The following EYS variants were observed in gnomAD, a reference collection of about 807,000 sequenced individuals.
EYS encodes EGF-like photoreceptor maintenance factor, also known as protein eyes shut homolog.
A neutral mutation model predicts 282.1 loss-of-function variants in EYS; 250 were observed. The ratio of observed to expected loss-of-function variants is 0.89; its 90% confidence interval spans 0.80 to 0.98. The LOEUF is 0.98. EYS is among the 50% of genes least tolerant of loss of function. The pLI is 0.00. For missense variants in EYS, 4,016 were observed against 3,709.0 expected, an observed-to-expected ratio of 1.08 and a Z score of -2.15; for synonymous variants, 1,355 against 1,282.9, an observed-to-expected ratio of 1.06 and a Z score of -1.20.
At chr6:64,560,936 T>A (rs1440571488) in intron 26 of EYS, among the ~76,000 whole-genome samples, 1 of 152,012 alleles carries the variant, frequency 6.6e-6, no homozygotes, top group African/African-American at 2.4e-5. Context: ...GATGCAAGTA[T>A]CCTTAAAAAA....
chr6:64,596,279 A>G (rs1766585174), intron 24 of EYS, among the ~76,000 whole-genome samples: 1 of 152,186 alleles, frequency 6.6e-6, no homozygotes, highest in Non-Finnish European at 1.5e-5. Context: ...TTTATGAATG[A>G]CCATGCTATT....
intron 26 of EYS, among the ~76,000 whole-genome samples, chr6:64,561,450 T>C (rs1324541428): frequency 6.6e-6 from 1 of 152,084 alleles, no homozygotes; most frequent in Non-Finnish European, 1.5e-5. Context: ...CAAAAGCTCA[T>C]TGAACTGATA....
chr6:64,626,633 A>G (rs1165197807), intron 22 of EYS, among the ~76,000 whole-genome samples: 3 of 152,176 alleles, frequency 2.0e-5, no homozygotes, highest in Admixed American at 1.3e-4. Flanking sequence ...GCCCTAAGTC[A>G]AGGAACACCC....
rs1363011952 is a variant in EYS at position 65,402,540 on chromosome 6, A to G, written c.1122T>C (p.Cys374=). ...DLLCKSIQTS[C]ESFPLRNNAT... ...CATTATTCCTCAAAGGAAATGACTCACATGATGTTTGAATGCTCTTACAAA... is the reference window on the plus strand; with the variant it reads ...CATTATTCCTCAAAGGAAATGACTCGCATGATGTTTGAATGCTCTTACAAA... The change falls in exon 7 of 43, where the codon TGT becomes TGC. Residue 374 remains cysteine, a synonymous_variant. Coordinates refer to ENST00000503581, the MANE Select transcript of EYS (RefSeq NM_001142800.2). 1 of 1,559,564 alleles carries G rather than the reference A, an allele frequency of 6.4e-7. No individual in the cohort carries two copies.
In EYS at chr6:64,590,698, C is replaced by A; in HGVS notation, c.5169G>T (p.Leu1723Phe). The A allele has an allele frequency of 1.9e-6, 3 of 1,550,952 alleles. No individual in the cohort carries two copies. Among genetic ancestry groups the A allele is most frequent in the Non-Finnish European group, 2.6e-6 (3 of 1,146,506 alleles). Residue 1723 changes from leucine (L) to phenylalanine (F), a missense_variant, in exon 26 of 43, where the codon TTG becomes TTT. Transcript: ENST00000503581. ...PTEVLNQESL[L>F]DMEKSKGSHT... ...GAGATCCTTTACTTTTTTCCATGTC[C>A]AATAAGCTCTCTTGATTTAGTACCT...
chr6:63,771,991 G>A (rs1156491), intron 40 of EYS, among the ~76,000 whole-genome samples: 76,636 of 151,802 alleles, frequency 0.5, 21,077 homozygotes, highest in African/African-American at 0.72. Flanking sequence ...CTAGGCTTAT[G>A]TATTTTCTGT....
At chr6:63,778,247 A>C in intron 39 of EYS, 67 bp from the exon 40 acceptor site, 1 of 1,448,248 alleles carries the variant, frequency 6.9e-7, no homozygotes, top group South Asian at 1.2e-5. Flanking sequence ...GAAGAAGGTT[A>C]TTTTTCATTT....
chr6:65,263,282 A>G (rs1312629798), intron 12 of EYS, among the ~76,000 whole-genome samples: 2 of 152,066 alleles, frequency 1.3e-5, no homozygotes, highest in African/African-American at 4.8e-5. Context: ...TTGAGGCTGC[A>G]GTGAGCTATG....
chr6:64,146,734 T>C (rs562739842), intron 31 of EYS, among the ~76,000 whole-genome samples: 5 of 152,140 alleles, frequency 3.3e-5, no homozygotes, highest in African/African-American at 1.2e-4. Flanking sequence ...CTCCACTGAG[T>C]TGAACAGCAC....
At chr6:65,604,838 C>T (rs578014331) in intron 2 of EYS, among the ~76,000 whole-genome samples, 1,646 of 101,542 alleles carry the variant, frequency 0.016, 27 homozygotes, top group Non-Finnish European at 0.019. Flanking sequence ...AAATTCACTG[C>T]CCCCTTTTTT....
At chr6:65,103,870 T>G (rs941088940) in intron 12 of EYS, among the ~76,000 whole-genome samples, 4 of 151,374 alleles carry the variant, frequency 2.6e-5, no homozygotes, top group Non-Finnish European at 4.4e-5. Context: ...ATTATGAAAA[T>G]GTAATGCTAA....
intron 36 of EYS, among the ~76,000 whole-genome samples, chr6:63,849,725 A>G (rs1359345222): frequency 6.6e-6 from 1 of 152,248 alleles, no homozygotes; most frequent in South Asian, 2.1e-4. Context: ...AGGAAAAACC[A>G]GTGCAAAAAT....
chr6:64,693,066 G>A (rs1216102152), intron 22 of EYS, among the ~76,000 whole-genome samples: 1 of 130,566 alleles, frequency 7.7e-6, no homozygotes, highest in African/African-American at 2.8e-5. Flanking sequence ...TGATTTGATA[G>A]GAATATCTTT....
intron 12 of EYS, among the ~76,000 whole-genome samples, chr6:65,209,754 C>T (rs557782677): frequency 1.3e-5 from 2 of 151,976 alleles, no homozygotes; most frequent in South Asian, 4.1e-4. Flanking sequence ...GAGCATTGTA[C>T]ATACTATGGT....
chr6:63,881,012 T>C (rs1313241780), intron 35 of EYS, among the ~76,000 whole-genome samples: 1 of 152,062 alleles, frequency 6.6e-6, no homozygotes, highest in Non-Finnish European at 1.5e-5. Context: ...GTTAACACTT[T>C]TTTTTTTTGA....
At chr6:64,405,431 C>T (rs1005758798) in intron 28 of EYS, among the ~76,000 whole-genome samples, 1 of 152,076 alleles carries the variant, frequency 6.6e-6, no homozygotes. Context: ...GACAAGGATG[C>T]CTTCTCTTAC....
intron 35 of EYS, among the ~76,000 whole-genome samples, chr6:63,943,700 T>C (rs1459240781): frequency 1.3e-5 from 2 of 152,196 alleles, no homozygotes; most frequent in African/African-American, 2.4e-5. Flanking sequence ...AGAGTGCTTT[T>C]CCCTGCTAGT....
In EYS at chr6:65,344,174, G is replaced by T; in HGVS notation, c.1463C>A (p.Ser488Tyr). The change falls in exon 10 of 43, where the codon TCT (serine) becomes TAT (tyrosine). Residue 488 changes from serine (S) to tyrosine (Y), a missense_variant. By Grantham distance (144) the Ser-to-Tyr change is moderately radical. Transcript: ENST00000503581. ...AACCCCTTGGCACTTTTCGCCTTCA[G>T]ATCCTTTAAAAAAAAAGAGATAAAA... is the stretch of plus-strand genomic sequence containing the variant. ...EYVWQLGFAGSEGEKCQGVID... is the reference protein window; with the variant it reads ...EYVWQLGFAGYEGEKCQGVID... 1 of 1,606,490 alleles carries T rather than the reference G, an allele frequency of 6.2e-7. No homozygotes were observed. Among genetic ancestry groups the T allele is most frequent in the South Asian group, 1.1e-5 (1 of 90,832 alleles).
intron 30 of EYS, among the ~76,000 whole-genome samples, chr6:64,264,512 T>A (rs1051328701): frequency 2.6e-5 from 4 of 152,070 alleles, no homozygotes; most frequent in African/African-American, 9.7e-5. Context: ...CTCTTGAGAT[T>A]CGAGCTTGGA....
Sources: gnomAD v4.1 joint callset for allele counts (sites outside exome capture counted in the v4.1 genomes callset) on GRCh38, gnomAD v4.1.1 for gene constraint, MANE v1.5 for transcripts, NCBI Gene and HGNC (gene_info 2026-07-23, HGNC 2026-07-21) for gene names.